INSYN2A: variants seen among roughly 807,000 people sequenced by gnomAD.
INSYN2A encodes the protein family with sequence similarity 196 member A.
INSYN2A carries 17 observed loss-of-function variants against 39.4 expected under a neutral mutation model. That is an observed-to-expected ratio of 0.43 (90% CI 0.30 to 0.65). The LOEUF (loss-of-function observed/expected upper bound fraction) is 0.65, where lower values mean the gene tolerates loss of function less well. Ranked by LOEUF, INSYN2A falls within the 30% of genes least tolerant of loss-of-function variation. The pLI, the probability that INSYN2A is intolerant of heterozygous loss-of-function variation, is 0.14. For synonymous variants in INSYN2A, 255 were observed against 265.7 expected, an observed-to-expected ratio of 0.96 and a Z score of 0.39; for missense variants, 595 against 631.2, an observed-to-expected ratio of 0.94 and a Z score of 0.61.
intron 4 of INSYN2A, among the ~76,000 whole-genome samples, chr10:127,174,823 G>A (rs1432568824): frequency 1.3e-5 from 2 of 152,136 alleles, no homozygotes; most frequent in Non-Finnish European, 2.9e-5. Context: ...ATTCCTAAGA[G>A]GCCTGTGGCC....
chr10:127,191,728 GC>G (rs2056770158), intron 2 of INSYN2A, among the ~76,000 whole-genome samples: 1 of 152,284 alleles, frequency 6.6e-6, no homozygotes, highest in East Asian at 1.9e-4. Context: ...ATAGGATATA[GC>G]CCCATGCTGC....
chr10:127,174,655 C>A (rs1564868466), intron 4 of INSYN2A, among the ~76,000 whole-genome samples: 2 of 152,194 alleles, frequency 1.3e-5, no homozygotes, highest in Non-Finnish European at 2.9e-5. Flanking sequence ...ATGCCCATTG[C>A]TTCTTTGGGT....
chr10:127,142,843 G>T (rs1174850413), intron 5 of INSYN2A, among the ~76,000 whole-genome samples: 1 of 152,284 alleles, frequency 6.6e-6, no homozygotes, highest in Middle Eastern at 3.4e-3. Context: ...TTAATTTCTT[G>T]GTTGGTCTTT....
chr10:127,168,757 G>A (rs2054301648), intron 4 of INSYN2A, among the ~76,000 whole-genome samples: 1 of 152,192 alleles, frequency 6.6e-6, no homozygotes, highest in Admixed American at 6.5e-5. Flanking sequence ...GGTGAGCCTG[G>A]GAAGCCAGGA....
chr10:127,159,818 C>T (rs1278225142), intron 4 of INSYN2A, among the ~76,000 whole-genome samples: 1 of 152,140 alleles, frequency 6.6e-6, no homozygotes, highest in Non-Finnish European at 1.5e-5. Flanking sequence ...AGGAGGGTGG[C>T]TGCCGGCCTC....
At position 127,140,314 on chromosome 10, in the gene INSYN2A, A is replaced by G. The variant is rs556257287; in HGVS notation, c.1257-2294T>C. ...TGACTCGACTTTATCTGTCGAGTTG[A>G]TTCCTGTTTGCACTCCCCATTATGC... On this transcript the variant is annotated intron_variant, in intron 5 of 5. Coordinates refer to ENST00000522781, the MANE Select transcript of INSYN2A (RefSeq NM_001039762.3). Among the ~76,000 whole-genome samples, 18 of 152,294 alleles carry G rather than the reference A, an allele frequency of 1.2e-4. No homozygotes were observed. In the South Asian group the frequency reaches 3.7e-3, roughly 32 times the overall value.
chr10:127,167,749 C>T (rs2133785861), intron 4 of INSYN2A, among the ~76,000 whole-genome samples: 1 of 152,182 alleles, frequency 6.6e-6, no homozygotes, highest in South Asian at 2.1e-4. Flanking sequence ...ATGAACTGGT[C>T]CTGTCCTTTT....
In INSYN2A at chr10:127,182,106, G is replaced by A. The variant is rs368345635; in HGVS notation, c.-268-4967C>T. On this transcript the variant is annotated intron_variant, in intron 2 of 5. Transcript: ENST00000522781. Reference sequence around the variant, plus strand: ...AACTATGGCTCCTTGGAGGAAACACGGAGATGGCACGCCCCGTTCCCTCGA... The same window carrying A: ...AACTATGGCTCCTTGGAGGAAACACAGAGATGGCACGCCCCGTTCCCTCGA... 5.3e-5 allele frequency among the ~76,000 whole-genome samples: 8 copies of A among 152,252 alleles called. No homozygotes were observed. The East Asian group carries it at 9.7e-4, about 18-fold the overall frequency.
At position 127,175,744 on chromosome 10, in the gene INSYN2A, C is replaced by T. The variant is rs745704190; in HGVS notation, c.652G>A (p.Glu218Lys). ...ALQNSTRPPS[E>K]EPDYQLLGRA... ...CCGAGCAGCTGGTAATCGGGCTCTT[C>T]GGATGGAGGCCGAGTGGAGTTTTGG... The change falls in exon 4 of 6, where the codon GAA (glutamate) becomes AAA (lysine). Residue 218 changes from glutamate (E) to lysine (K), a missense_variant. Transcript: ENST00000522781. This position sits in a 1 kb window ranked among gnomAD's most constrained non-coding sequence, Gnocchi z 6.3. The T allele has an allele frequency of 1.1e-5, 18 of 1,613,948 alleles. No homozygotes were observed. The highest frequency in any genetic ancestry group is 1.4e-5 in the Non-Finnish European group (16 of 1,180,034).
chr10:127,171,865 G>A (rs771745136), intron 4 of INSYN2A, among the ~76,000 whole-genome samples: 10 of 151,986 alleles, frequency 6.6e-5, no homozygotes, highest in Non-Finnish European at 1.0e-4. Context: ...CACCACGCCC[G>A]ACTAATGTTT....
intron 5 of INSYN2A, among the ~76,000 whole-genome samples, chr10:127,141,601 G>A (rs569615057): frequency 7.2e-5 from 11 of 152,218 alleles, no homozygotes; most frequent in African/African-American, 2.6e-4. Flanking sequence ...TACTCGGGAG[G>A]TGGAGGTTGC....
Position 127,176,190 on chromosome 10 carries a change from A to G in INSYN2A, c.206T>C (p.Leu69Pro). Residue 69 changes from leucine (L) to proline (P), a missense_variant, in exon 4 of 6, where the codon CTG (leucine) becomes CCG (proline). Coordinates refer to ENST00000522781, the MANE Select transcript of INSYN2A (RefSeq NM_001039762.3). The surrounding 1 kb of genome is among the most constrained non-coding windows in gnomAD (Gnocchi z 4.4). ...GGGCTTGGCCTCCCGCTTCTCCCCC[A>G]GCTGGCCCGAGGACAGCTGTGTGTC... ...QRDTQLSSGQ[L>P]GEKREAKPVS... 1 of 1,614,114 alleles carries G rather than the reference A, an allele frequency of 6.2e-7. No homozygotes were observed. The highest frequency in any genetic ancestry group is 8.5e-7 in the Non-Finnish European group (1 of 1,180,020).
intron 2 of INSYN2A, among the ~76,000 whole-genome samples, chr10:127,184,313 T>TC (rs112656641): frequency 0.085 from 12,683 of 148,362 alleles, 1,695 homozygotes; most frequent in African/African-American, 0.28. Flanking sequence ...CTCAATTCAT[T>TC]CCCCCCCCAG....
chr10:127,135,779 G>T lies in INSYN2A; in HGVS notation c.*2058C>A, dbSNP rs1377872158. 3 of 152,184 alleles carry T rather than the reference G, an allele frequency of 2.0e-5. No homozygotes were observed. Among genetic ancestry groups the T allele is most frequent in the Admixed American group, 2.0e-4 (3 of 15,252 alleles). 9.4% of individuals were successfully genotyped at this position (152,184 alleles called of 1,614,324 possible). On this transcript the variant is annotated 3_prime_UTR_variant, in exon 6 of 6. Coordinates refer to ENST00000522781, the MANE Select transcript of INSYN2A (RefSeq NM_001039762.3). ...TGGTGTGAAACAGTGACATTATTTT[G>T]TGTACTAGGATGTCCTCTTGTTTAG...
In INSYN2A at chr10:127,196,257, C is replaced by G. The variant is rs12762295; in HGVS notation, c.-655G>C. On this transcript the variant is annotated 5_prime_UTR_variant, in exon 1 of 6. Transcript: ENST00000522781. Reference sequence around the variant, plus strand: ...GCCGCAGCTCGCGTCGCTCGCGTCCCTCCGGCCCCGCTTAGCGACGCGCGC... The same window carrying G: ...GCCGCAGCTCGCGTCGCTCGCGTCCGTCCGGCCCCGCTTAGCGACGCGCGC... 6.7e-6 allele frequency: 1 copy of G among 148,804 alleles called. No individual in the cohort carries two copies. Among genetic ancestry groups the G allele is most frequent in the Non-Finnish European group, 1.5e-5 (1 of 66,970 alleles). The allele number at this position is 148,804 out of a possible 1,614,324, so 9.2% of individuals were successfully genotyped here. A position where few individuals can be genotyped will look rare whatever the true frequency, so the allele number is the denominator to read the frequency against.
At chr10:127,162,539 T>C (rs533176952) in intron 4 of INSYN2A, among the ~76,000 whole-genome samples, 1 of 152,262 alleles carries the variant, frequency 6.6e-6, no homozygotes, top group South Asian at 2.1e-4. Flanking sequence ...TTTACCTTAC[T>C]TTTTTTCCAT....
At chr10:127,180,298 A>G (rs762544432) in intron 2 of INSYN2A, among the ~76,000 whole-genome samples, 38 of 152,198 alleles carry the variant, frequency 2.5e-4, no homozygotes, top group Non-Finnish European at 5.0e-4. Flanking sequence ...TGAAGCTGCA[A>G]TAGGATTCTT....
At chr10:127,188,461 G>T (rs61874033) in intron 2 of INSYN2A, among the ~76,000 whole-genome samples, 1,994 of 152,202 alleles carry the variant, frequency 0.013, 12 homozygotes, top group Middle Eastern at 0.02. Context: ...CATGGCTTGG[G>T]GCAGCTCTTT....
chr10:127,163,988 T>C (rs2053831309), intron 4 of INSYN2A, among the ~76,000 whole-genome samples: 1 of 151,782 alleles, frequency 6.6e-6, no homozygotes. Context: ...GTTTTAATGC[T>C]TGTTTTCATT....
Sources: gnomAD v4.1 joint callset for allele counts (sites outside exome capture counted in the v4.1 genomes callset) on GRCh38, gnomAD v4.1.1 for gene constraint, Gnocchi (gnomAD v3.1) non-coding constraint, MANE v1.5 for transcripts, NCBI Gene and HGNC (gene_info 2026-07-23, HGNC 2026-07-21) for gene names.